DLAT: variants seen among roughly 807,000 people sequenced by gnomAD.
DLAT encodes the protein dihydrolipoyllysine-residue acetyltransferase component of pyruvate dehydrogenase complex, mitochondrial.
In DLAT, 43 loss-of-function variants were observed where a neutral mutation model predicts 68.0. That is an observed-to-expected ratio of 0.63 (90% CI 0.50 to 0.81). DLAT has a LOEUF of 0.81. Ranked by LOEUF, DLAT falls within the 40% of genes least tolerant of loss-of-function variation. The pLI is 0.00. For missense variants in DLAT, 745 were observed against 815.4 expected, an observed-to-expected ratio of 0.91 and a Z score of 1.05; for synonymous variants, 265 against 288.6, an observed-to-expected ratio of 0.92 and a Z score of 0.83.
At chr11:112,037,494 C>T (rs781896670) in intron 6 of DLAT, 34 bp downstream of exon 6, 30 of 1,600,008 alleles carry the variant, frequency 1.9e-5, no homozygotes, top group African/African-American at 2.7e-5. Context: ...GAAACACTTA[C>T]CTTGTTCATC....
rs189181954 is a variant in DLAT, at chr11:112,058,432, A to C, written c.1515-1471A>C. On this transcript the variant is annotated intron_variant, in intron 11 of 13. Coordinates refer to ENST00000280346, the MANE Select transcript of DLAT (RefSeq NM_001931.5). Reference sequence around the variant, plus strand: ...AAATTGGGGGATTTGGTACCCACTGATCTTTTTGGAGCTTGTGCCTAGAAA... The same window carrying C: ...AAATTGGGGGATTTGGTACCCACTGCTCTTTTTGGAGCTTGTGCCTAGAAA... Among the ~76,000 whole-genome samples, 3 of 152,126 alleles carry C rather than the reference A, an allele frequency of 2.0e-5. No homozygotes were observed. In the East Asian group the frequency reaches 5.8e-4, roughly 29 times the overall value.
intron 2 of DLAT, among the ~76,000 whole-genome samples, chr11:112,027,199 C>T (rs1252658679): frequency 2.0e-5 from 3 of 149,876 alleles, no homozygotes; most frequent in Admixed American, 6.6e-5. Context: ...GGTTGCCAGG[C>T]GGAGGGTCTC....
chr11:112,060,388 C>T (rs1283486996), intron 12 of DLAT, among the ~76,000 whole-genome samples: 1 of 151,636 alleles, frequency 6.6e-6, no homozygotes, highest in Non-Finnish European at 1.5e-5. Flanking sequence ...TCTTGATCTC[C>T]TGACCTTGTG....
chr11:112,049,172 G>C (rs889577646), intron 10 of DLAT, among the ~76,000 whole-genome samples: 3 of 151,690 alleles, frequency 2.0e-5, no homozygotes, highest in African/African-American at 7.3e-5. Flanking sequence ...GTAGAGACGG[G>C]GTTTCACCGT....
intron 5 of DLAT, among the ~76,000 whole-genome samples, chr11:112,035,422 A>G (rs1862650398): frequency 6.6e-6 from 1 of 152,184 alleles, no homozygotes; most frequent in South Asian, 2.1e-4. Flanking sequence ...ACTAGTCACT[A>G]GAGAAGTGTT....
At chr11:112,026,165 A>C (rs587715466) in intron 1 of DLAT, 33 bp from the exon 2 acceptor site, 1 of 1,530,728 alleles carries the variant, frequency 6.5e-7, no homozygotes, top group African/African-American at 1.4e-5. Flanking sequence ...GTAGTCCTTA[A>C]AAATTTTAAT....
At chr11:112,048,967 A>G (rs919297794) in intron 10 of DLAT, among the ~76,000 whole-genome samples, 7 of 144,738 alleles carry the variant, frequency 4.8e-5, no homozygotes, top group Non-Finnish European at 9.0e-5. Context: ...TTTTTTCTCA[A>G]GATTTTTTTT....
intron 4 of DLAT, among the ~76,000 whole-genome samples, chr11:112,030,807 GA>G (rs1862351790): frequency 6.6e-6 from 1 of 152,162 alleles, no homozygotes; most frequent in Admixed American, 6.5e-5. Flanking sequence ...TTTATTTGTA[GA>G]AATTTTTGTA....
chr11:112,025,606 G>T lies in DLAT; in HGVS notation c.134G>T (p.Arg45Leu). The T allele has an allele frequency of 1.2e-6, 2 of 1,613,926 alleles. No individual in the cohort carries two copies. Among genetic ancestry groups the T allele is most frequent in the Non-Finnish European group, 1.7e-6 (2 of 1,179,984 alleles). The change falls in exon 1 of 14, where the codon CGC becomes CTC. Residue 45 changes from arginine to leucine, a missense_variant. Physicochemically the swap from Arg to Leu is moderately radical, Grantham distance 102. Coordinates refer to ENST00000280346, the MANE Select transcript of DLAT (RefSeq NM_001931.5). ...CGATCTGGCCCGGCTCCCGCTCGTC[G>T]CAACAGCGTGACTACAGGGTATGGC... The part of the protein sequence containing the change: ...TSRSGPAPAR[R>L]NSVTTGYGGV...
chr11:112,025,970 A>G (rs1393893038), intron 1 of DLAT, among the ~76,000 whole-genome samples: 2 of 152,218 alleles, frequency 1.3e-5, no homozygotes, highest in Non-Finnish European at 2.9e-5. Flanking sequence ...TATGCAGAAT[A>G]TCTGCCGAGG....
Position 112,062,529 on chromosome 11 carries a change from G to C in DLAT, c.1938G>C (p.Leu646Phe). ...ACCTTGAAAAACCTATCACTATGTT[G>C]TTGTAACTAACTCAAGAATTTCTAA... Reference protein sequence around the residue: ...RKYLEKPITMLL With the variant: ...RKYLEKPITMFL Residue 646 changes from leucine to phenylalanine, a missense_variant, in exon 14 of 14, where the codon TTG becomes TTC. By Grantham distance (22) the Leu-to-Phe change is conservative. Coordinates refer to ENST00000280346, the MANE Select transcript of DLAT (RefSeq NM_001931.5). The C allele has an allele frequency of 6.2e-7, 1 of 1,612,300 alleles. No homozygotes were observed. Among genetic ancestry groups the C allele is most frequent in the Non-Finnish European group, 8.5e-7 (1 of 1,179,928 alleles).
chr11:112,044,869 C>A (rs1863223214), intron 8 of DLAT, among the ~76,000 whole-genome samples: 1 of 151,998 alleles, frequency 6.6e-6, no homozygotes, highest in Admixed American at 6.6e-5. Context: ...TCCGTCTCTA[C>A]TAGAAATCCA....
chr11:112,031,372 T>C (rs1312247994), intron 4 of DLAT, among the ~76,000 whole-genome samples: 1 of 152,158 alleles, frequency 6.6e-6, no homozygotes, highest in African/African-American at 2.4e-5. Context: ...GGGGTGGAAA[T>C]GGCTATTATA....
intron 2 of DLAT, among the ~76,000 whole-genome samples, chr11:112,027,933 C>T (rs945919386): frequency 2.0e-5 from 3 of 147,812 alleles, no homozygotes; most frequent in South Asian, 2.2e-4. Context: ...GAGAGGGAGA[C>T]GGAGAGGGAG....
intron 2 of DLAT, among the ~76,000 whole-genome samples, chr11:112,027,048 C>T (rs1862073451): frequency 6.6e-6 from 1 of 151,862 alleles, no homozygotes; most frequent in Non-Finnish European, 1.5e-5. Context: ...GGCTGACCCC[C>T]ACCTCCCTCC....
In DLAT at chr11:112,051,215, GTTC is replaced by G. The variant is rs587691611; in HGVS notation, c.1399-13_1399-11del. On this transcript the variant is annotated splice_polypyrimidine_tract_variant and intron_variant, in intron 10 of 13. Transcript: ENST00000280346. This position sits in a 1 kb window ranked among gnomAD's most constrained non-coding sequence, Gnocchi z 4.3. ...TAAAATTAAAAAAGAAGAAACTACA[GTTC>G]TTCTTGTCTTTCCAGATATTAGAAG... is the stretch of plus-strand genomic sequence containing the variant. 5.1e-5 allele frequency: 76 copies of G among 1,484,404 alleles called. No individual in the cohort carries two copies. In the East Asian group the frequency reaches 1.6e-3, roughly 31 times the overall value. 92.0% of individuals were successfully genotyped at this position (1,484,404 alleles called of 1,614,324 possible).
intron 6 of DLAT, among the ~76,000 whole-genome samples, chr11:112,038,626 C>T (rs782116265): frequency 5.3e-5 from 8 of 151,352 alleles, no homozygotes; most frequent in Non-Finnish European, 1.2e-4. Flanking sequence ...AGGTGGATCG[C>T]TTGAGGTCAG....
At chr11:112,036,348 G>T (rs1388414884) in intron 5 of DLAT, among the ~76,000 whole-genome samples, 128 of 142,378 alleles carry the variant, frequency 9.0e-4, no homozygotes, top group Admixed American at 1.6e-3. Context: ...CGAGTAGCTG[G>T]GATTACAGGC....
At chr11:112,042,358 C>T (rs503451) in intron 7 of DLAT, among the ~76,000 whole-genome samples, 5,380 of 152,244 alleles carry the variant, frequency 0.035, 330 homozygotes, top group African/African-American at 0.12. Context: ...GTGTCTAGAT[C>T]AGCCTTGGTT....
Sources: allele counts gnomAD v4.1 joint callset (sites outside exome capture counted in the v4.1 genomes callset), GRCh38; gene constraint gnomAD v4.1.1; non-coding constraint Gnocchi (gnomAD v3.1); transcripts MANE v1.5; gene names NCBI Gene and HGNC (gene_info 2026-07-23, HGNC 2026-07-21).